PDE1C: variants seen among roughly 807,000 people sequenced by gnomAD.
PDE1C encodes the protein dual specificity calcium/calmodulin-dependent 3',5'-cyclic nucleotide phosphodiesterase 1C.
A neutral mutation model predicts 93.1 loss-of-function variants in PDE1C; 62 were observed. The ratio of observed to expected loss-of-function variants is 0.67; its 90% CI spans 0.54 to 0.82. PDE1C has a LOEUF of 0.82. Among genes scored for constraint, PDE1C ranks in the 40% least tolerant of loss-of-function variants. The pLI, the probability that PDE1C is intolerant of heterozygous loss-of-function variation, is 0.00. For missense variants in PDE1C, 742 were observed against 884.6 expected (o/e 0.84, Z 2.04); for synonymous variants, 325 against 310.1 (o/e 1.05, Z -0.50).
the PDE1C span, among the ~76,000 whole-genome samples, chr7:31,699,578 A>G: frequency 1.3e-5 from 2 of 152,150 alleles, no homozygotes; most frequent in Non-Finnish European, 2.9e-5. Context: ...TGCAGTGTTA[A>G]TGGAATATAG....
chr7:31,807,754 T>C (rs1376231107), intron 16 of PDE1C, among the ~76,000 whole-genome samples: 1 of 151,952 alleles, frequency 6.6e-6, no homozygotes, highest in Non-Finnish European at 1.5e-5. Context: ...TGATTTGGTA[T>C]TGATGGCTGG....
chr7:32,278,053 A>T (rs944197013), intron 1 of PDE1C, among the ~76,000 whole-genome samples: 1 of 144,564 alleles, frequency 6.9e-6, no homozygotes. Flanking sequence ...AAGTGTGAAA[A>T]GGGAATTGGA....
intron 9 of PDE1C, among the ~76,000 whole-genome samples, chr7:31,846,375 G>A (rs11984352): frequency 0.15 from 23,145 of 151,506 alleles, 1,859 homozygotes; most frequent in Middle Eastern, 0.24. Context: ...AACAAGCTAT[G>A]GGGAAAGGAT....
At chr7:31,780,178 A>C (rs1783297673) in intron 16 of PDE1C, among the ~76,000 whole-genome samples, 1 of 152,072 alleles carries the variant, frequency 6.6e-6, no homozygotes, top group African/African-American at 2.4e-5. Flanking sequence ...AGGACTTTTT[A>C]ATGTTCCCAG....
At chr7:32,341,417 C>T (rs1468734577) in intron 1 of PDE1C, among the ~76,000 whole-genome samples, 1 of 151,106 alleles carries the variant, frequency 6.6e-6, no homozygotes, top group Non-Finnish European at 1.5e-5. Flanking sequence ...CCTCGTGATC[C>T]GCCCACCTCG....
At chr7:31,787,334 G>A (rs901512703) in intron 16 of PDE1C, 1 of 152,196 alleles carries the variant, frequency 6.6e-6, no homozygotes, top group African/African-American at 2.4e-5. Context: ...GAAATGGACA[G>A]TGGAAGAAAG....
chr7:31,800,862 C>A (rs1402787614), intron 16 of PDE1C, among the ~76,000 whole-genome samples: 2 of 151,030 alleles, frequency 1.3e-5, no homozygotes, highest in Middle Eastern at 3.2e-3. Context: ...GGAAAATCCC[C>A]AAATATTTGG....
rs530869252 is a variant in PDE1C at position 32,264,430 on chromosome 7, T to C, written c.85+34221A>G. On this transcript the variant is annotated intron_variant, in intron 1 of 18. Coordinates refer to the PDE1C transcript ENST00000396193. ...TAGTTAATATGCTCAGAGTCACACATCTACCAAGCGACTACACCGAAATGT... is the reference window on the plus strand; with the variant it reads ...TAGTTAATATGCTCAGAGTCACACACCTACCAAGCGACTACACCGAAATGT... Among the ~76,000 whole-genome samples, 35 of 152,316 alleles carry C rather than the reference T, an allele frequency of 2.3e-4. 1 individual carries two copies. The South Asian group carries it at 6.8e-3, about 30-fold the overall frequency.
chr7:31,630,604 A>G, the PDE1C span, among the ~76,000 whole-genome samples: 4 of 152,204 alleles, frequency 2.6e-5, no homozygotes, highest in Non-Finnish European at 4.4e-5. Context: ...AACAGGGAAG[A>G]TCTGCATCGA....
the PDE1C span, among the ~76,000 whole-genome samples, chr7:31,623,503 T>C: frequency 0.94 from 141,905 of 151,714 alleles, 66,671 homozygotes; most frequent in East Asian, 0.99. Flanking sequence ...AAGACAAAAA[T>C]GACACGATTA....
the PDE1C span, among the ~76,000 whole-genome samples, chr7:31,712,065 C>G: frequency 6.6e-6 from 1 of 152,220 alleles, no homozygotes; most frequent in African/African-American, 2.4e-5. Flanking sequence ...TTAATTAGAT[C>G]AGGAGAAACC....
At chr7:31,790,054 A>G (rs1784400135) in intron 16 of PDE1C, 2 of 1,391,958 alleles carry the variant, frequency 1.4e-6, no homozygotes, top group Non-Finnish European at 1.9e-6. Flanking sequence ...CCAACCCCCA[A>G]AGATTCATCC....
intron 3 of PDE1C, among the ~76,000 whole-genome samples, chr7:32,159,190 G>A (rs1801760285): frequency 6.6e-6 from 1 of 152,170 alleles, no homozygotes; most frequent in Non-Finnish European, 1.5e-5. Flanking sequence ...AACACAGGAT[G>A]TAATTGTAGA....
At chr7:31,986,363 C>G (rs1442621526) in intron 2 of PDE1C, among the ~76,000 whole-genome samples, 5 of 152,144 alleles carry the variant, frequency 3.3e-5, no homozygotes, top group Admixed American at 1.3e-4. Flanking sequence ...GGGACCCACT[C>G]TAATCCAGGA....
chr7:31,719,940 A>C, the PDE1C span, among the ~76,000 whole-genome samples: 1 of 151,024 alleles, frequency 6.6e-6, no homozygotes, highest in Non-Finnish European at 1.5e-5. Flanking sequence ...AGGCGGGTGG[A>C]TCATGAGGTC....
intron 1 of PDE1C, among the ~76,000 whole-genome samples, chr7:32,412,180 C>T (rs1024438290): frequency 9.9e-5 from 15 of 152,198 alleles, no homozygotes; most frequent in African/African-American, 3.1e-4. Context: ...TACGGCTGGG[C>T]GCGGTGGCTC....
intron 16 of PDE1C, among the ~76,000 whole-genome samples, chr7:31,779,128 G>C (rs549405048): frequency 6.6e-6 from 1 of 152,306 alleles, no homozygotes; most frequent in Admixed American, 6.5e-5. Flanking sequence ...AGGGACCTGG[G>C]TATTTCACAG....
At chr7:31,999,700 T>C (rs1785216456) in intron 2 of PDE1C, among the ~76,000 whole-genome samples, 1 of 152,204 alleles carries the variant, frequency 6.6e-6, no homozygotes, top group African/African-American at 2.4e-5. Flanking sequence ...GATATCAACA[T>C]TAACACACCA....
At chr7:31,851,196 G>A (rs1284500361) in intron 7 of PDE1C, among the ~76,000 whole-genome samples, 1 of 152,148 alleles carries the variant, frequency 6.6e-6, no homozygotes, top group Non-Finnish European at 1.5e-5. Context: ...GAAGTGGGTA[G>A]AGACAGATGG....
Sources: gnomAD v4.1 joint callset for allele counts (sites outside exome capture counted in the v4.1 genomes callset) on GRCh38, gnomAD v4.1.1 for gene constraint, MANE v1.5 for transcripts, NCBI Gene and HGNC (gene_info 2026-07-23, HGNC 2026-07-21) for gene names.